The following TMEM164 variants were observed in gnomAD, a reference collection of about 807,000 sequenced individuals.
TMEM164 encodes the protein transmembrane protein 164, also known as RP13-360B22.2.
In TMEM164, 4 loss-of-function variants were observed where a neutral mutation model predicts 18.8. The ratio of observed to expected loss-of-function variants is 0.21; its 90% CI spans 0.10 to 0.49. The LOEUF is 0.49. Ranked by LOEUF, TMEM164 falls within the 20% of genes least tolerant of loss-of-function variation. The pLI, the probability that TMEM164 is intolerant of heterozygous loss-of-function variation, is 0.98. For synonymous variants in TMEM164, 86 were observed against 101.7 expected (o/e 0.85, Z 0.93); for missense variants, 108 against 239.9 (o/e 0.45, Z 3.63).
In TMEM164 at chrX:110,004,116, G is replaced by C; in HGVS notation, c.342G>C (p.Lys114Asn). 1 of 1,208,765 alleles carries C rather than the reference G, an allele frequency of 8.3e-7. No homozygotes were observed. The highest frequency in any genetic ancestry group is 1.1e-6 in the Non-Finnish European group (1 of 894,874). ...GVEVGFKFATKTVIYLLNPCH... is the reference protein window; with the variant it reads ...GVEVGFKFATNTVIYLLNPCH... Reference sequence around the variant, plus strand: ...AGGTGGGCTTTAAGTTCGCCACCAAGACCGTCATCTACCTGCTCAACCCCT... The same window carrying C: ...AGGTGGGCTTTAAGTTCGCCACCAACACCGTCATCTACCTGCTCAACCCCT... Residue 114 changes from lysine (K) to asparagine (N), a missense_variant, in exon 2 of 7, where the codon AAG becomes AAC. Coordinates refer to ENST00000372068, the MANE Select transcript of TMEM164 (RefSeq NM_032227.4).
chrX:110,181,049 G>A (rs1602761171), downstream of TMEM164, among the ~76,000 whole-genome samples: 1 of 111,286 alleles, frequency 9.0e-6, no homozygotes, highest in Non-Finnish European at 1.9e-5. Context: ...GCGTGTCGGC[G>A]CTAACAAGAT....
intron 2 of TMEM164, among the ~76,000 whole-genome samples, chrX:110,017,444 T>TTCCTTTCTTTCTTTCTTTCTTTC: frequency 2.3e-5 from 1 of 43,026 alleles, no homozygotes; most frequent in Non-Finnish European, 4.3e-5. Flanking sequence ...CTTTCTTTCT[T>TTCCTTTCTTTCTTTCTTTCTTTC]TCTCTCTCTC....
At chrX:110,060,127 T>G (rs1209558817) in intron 2 of TMEM164, among the ~76,000 whole-genome samples, 13 of 107,963 alleles carry the variant, frequency 1.2e-4, no homozygotes, top group Admixed American at 1.1e-3. Context: ...AATAGCTAGG[T>G]GTGGTGGCAC....
Position 110,152,496 on chromosome X carries a change from A to C in TMEM164, c.586+7620A>C, listed in dbSNP as rs765362193. On this transcript the variant is annotated intron_variant, in intron 5 of 6. Transcript: ENST00000372068. ...TATGTTTATAGTTCCTTTTATTATT[A>C]TTTTTTACATTTAAGTCTTTTATTC... Among the ~76,000 whole-genome samples, 3 of 111,253 alleles carry C rather than the reference A, an allele frequency of 2.7e-5. No individual in the cohort carries two copies. The East Asian group carries it at 8.4e-4, about 31-fold the overall frequency.
chrX:110,131,959 T>G (rs1216648380), intron 4 of TMEM164, among the ~76,000 whole-genome samples: 1 of 111,879 alleles, frequency 8.9e-6, no homozygotes, highest in Non-Finnish European at 1.9e-5. Flanking sequence ...ACCTATATTA[T>G]GGCAGCTAGG....
intron 2 of TMEM164, among the ~76,000 whole-genome samples, chrX:110,026,928 C>T (rs1472977100): frequency 1.8e-5 from 2 of 112,206 alleles, no homozygotes; most frequent in Non-Finnish European, 3.8e-5. Flanking sequence ...ATAATTAATA[C>T]ATCTGAGGAT....
chrX:110,054,863 A>G (rs902399531), intron 2 of TMEM164, among the ~76,000 whole-genome samples: 1 of 112,219 alleles, frequency 8.9e-6, no homozygotes, highest in African/African-American at 3.2e-5. Context: ...TCGATTGATG[A>G]TGAGAGAGAG....
intron 3 of TMEM164, among the ~76,000 whole-genome samples, chrX:110,091,679 G>A (rs2065931387): frequency 8.9e-6 from 1 of 111,881 alleles, no homozygotes; most frequent in African/African-American, 3.2e-5. Flanking sequence ...TCTGATGTTG[G>A]TTTCTTTTGC....
At chrX:110,154,739 G>A (rs1232474355) in intron 5 of TMEM164, among the ~76,000 whole-genome samples, 2 of 112,028 alleles carry the variant, frequency 1.8e-5, no homozygotes, top group Non-Finnish European at 3.8e-5. Flanking sequence ...GTTTAAACTG[G>A]TGTTTGAAAC....
chrX:110,027,746 C>T (rs747762770), intron 2 of TMEM164, among the ~76,000 whole-genome samples: 2 of 109,940 alleles, frequency 1.8e-5, no homozygotes, highest in East Asian at 5.6e-4. Flanking sequence ...GGCGACAGAG[C>T]AAGACTCCGT....
At chrX:110,018,064 T>C (rs1933580043) in intron 2 of TMEM164, among the ~76,000 whole-genome samples, 1 of 111,709 alleles carries the variant, frequency 9.0e-6, no homozygotes, top group South Asian at 3.7e-4. Context: ...TGCTTGCAGA[T>C]GTTGGTTGTT....
rs771966748 is a variant in TMEM164, at chrX:110,171,949, G to T, written c.687+429G>T. Reference sequence around the variant, plus strand: ...TTCCCTGAGCTTCATGGCCAGTGAAGTGTGGTGTTGGGGAAATCCTGTGGC... The same window carrying T: ...TTCCCTGAGCTTCATGGCCAGTGAATTGTGGTGTTGGGGAAATCCTGTGGC... On this transcript the variant is annotated intron_variant, in intron 6 of 6. Transcript: ENST00000372068. Among the ~76,000 whole-genome samples the T allele has an allele frequency of 2.7e-5, 3 of 112,510 alleles. No individual in the cohort carries two copies. In the East Asian group the frequency reaches 8.4e-4, roughly 31 times the overall value.
intron 2 of TMEM164, among the ~76,000 whole-genome samples, chrX:110,030,340 G>C (rs1360820321): frequency 5.6e-5 from 6 of 107,214 alleles, no homozygotes; most frequent in Admixed American, 5.1e-4. Context: ...AGGCTAGTTT[G>C]AACTCCTGGG....
chrX:110,011,192 A>C lies in TMEM164; in HGVS notation c.390+7028A>C, dbSNP rs200261801. ...CTTTCAAAAACAAAACCAAAAACAA[A>C]AAAAAAAGAAGAAGTAGCCTTTGCC... On this transcript the variant is annotated intron_variant, in intron 2 of 6. Transcript: ENST00000372068. 1.8e-4 allele frequency among the ~76,000 whole-genome samples: 20 copies of C among 112,620 alleles called. No individual in the cohort carries two copies. In the South Asian group the frequency reaches 4.0e-3, roughly 22 times the overall value.
intron 2 of TMEM164, among the ~76,000 whole-genome samples, chrX:110,040,468 T>C (rs1935039084): frequency 8.9e-6 from 1 of 112,037 alleles, no homozygotes; most frequent in Admixed American, 9.4e-5. Flanking sequence ...CTCAGAGCTG[T>C]AGCAGCAACT....
At chrX:110,048,868 G>A (rs1050769323) in intron 2 of TMEM164, among the ~76,000 whole-genome samples, 4 of 111,111 alleles carry the variant, frequency 3.6e-5, no homozygotes, top group Non-Finnish European at 7.6e-5. Flanking sequence ...TACCCATGGC[G>A]CTGCTTACGG....
intron 2 of TMEM164, among the ~76,000 whole-genome samples, chrX:110,027,845 T>A (rs1424746054): frequency 8.9e-6 from 1 of 112,437 alleles, no homozygotes; most frequent in African/African-American, 3.2e-5. Flanking sequence ...CTTTTCATAC[T>A]GCCTTTGTCA....
At chrX:110,170,393 G>T (rs1023070171) in intron 5 of TMEM164, among the ~76,000 whole-genome samples, 1 of 112,911 alleles carries the variant, frequency 8.9e-6, no homozygotes, top group Non-Finnish European at 1.9e-5. Context: ...TCAAAGCTTT[G>T]CACAGGACTT....
intron 6 of TMEM164, among the ~76,000 whole-genome samples, chrX:110,172,306 G>T (rs753070192): frequency 5.4e-5 from 6 of 112,022 alleles, no homozygotes; most frequent in African/African-American, 1.9e-4. Flanking sequence ...GGCAGGTGCC[G>T]CGACCGTCCC....
Sources: gnomAD v4.1 joint callset for allele counts (sites outside exome capture counted in the v4.1 genomes callset) on GRCh38, gnomAD v4.1.1 for gene constraint, MANE v1.5 for transcripts, NCBI Gene and HGNC (gene_info 2026-07-23, HGNC 2026-07-21) for gene names.